Variants in LRRC37A2 observed in about 807,000 individuals in gnomAD.
LRRC37A2 encodes the protein leucine rich repeat containing 37 member A2, also known as leucine-rich repeat-containing protein 37A2.
Under a neutral mutation model 68.8 loss-of-function variants are expected in LRRC37A2, and 9 were observed. The observed-to-expected ratio is 0.13, with a 90% CI of 0.08 to 0.23. The LOEUF (loss-of-function observed/expected upper bound fraction) is 0.23, where lower values mean the gene tolerates loss of function less well. Among genes scored for constraint, LRRC37A2 ranks in the 10% least tolerant of loss-of-function variants. The probability of loss-of-function intolerance (pLI) is 1.00; values close to 1 mark genes in which losing one functional copy is unlikely to be tolerated. For missense variants in LRRC37A2, 168 were observed against 950.4 expected (o/e 0.18, Z 10.82); for synonymous variants, 63 against 367.6 (o/e 0.17, Z 9.48).
At chr17:47,010,284 C>G in the LRRC37A2 span, among the ~76,000 whole-genome samples, 1 of 152,188 alleles carries the variant, frequency 6.6e-6, no homozygotes, top group Non-Finnish European at 1.5e-5. Context: ...CTTCCACTTG[C>G]AAATGTAGCG....
the LRRC37A2 span, among the ~76,000 whole-genome samples, chr17:46,735,230 T>C: frequency 6.6e-6 from 1 of 152,202 alleles, no homozygotes; most frequent in African/African-American, 2.4e-5. Flanking sequence ...TTCTGATAAC[T>C]CAAAATTAAA....
the LRRC37A2 span, among the ~76,000 whole-genome samples, chr17:46,791,011 G>T: frequency 4.1e-3 from 620 of 152,264 alleles, 4 homozygotes; most frequent in African/African-American, 0.014. Flanking sequence ...CCTTCTTCCT[G>T]GTTTCCCCTT....
chr17:46,747,383 C>T, the LRRC37A2 span, among the ~76,000 whole-genome samples: 73 of 152,224 alleles, frequency 4.8e-4, no homozygotes, highest in African/African-American at 1.7e-3. Context: ...TTGGCTCAAG[C>T]GATCTGCTCA....
chr17:47,029,817 C>G, the LRRC37A2 span, among the ~76,000 whole-genome samples: 1 of 152,142 alleles, frequency 6.6e-6, no homozygotes, highest in African/African-American at 2.4e-5. Flanking sequence ...GCCTGTAATT[C>G]CAGCACTTTG....
the LRRC37A2 span, chr17:46,935,486 A>T: frequency 4.4e-6 from 6 of 1,359,910 alleles, no homozygotes; most frequent in Non-Finnish European, 5.7e-6. Flanking sequence ...AAATTGTGTT[A>T]CAGAATCTAC....
the LRRC37A2 span, among the ~76,000 whole-genome samples, chr17:46,947,192 A>G: frequency 2.0e-5 from 3 of 152,264 alleles, no homozygotes; most frequent in East Asian, 5.8e-4. Context: ...AGGGCTGGGG[A>G]AGGACCCTGT....
At chr17:46,776,819 T>C in the LRRC37A2 span, among the ~76,000 whole-genome samples, 1 of 152,152 alleles carries the variant, frequency 6.6e-6, no homozygotes, top group Non-Finnish European at 1.5e-5. Flanking sequence ...ATGGGACCAC[T>C]GGAGCGGAGA....
chr17:46,920,606 G>T, the LRRC37A2 span, among the ~76,000 whole-genome samples: 1 of 152,166 alleles, frequency 6.6e-6, no homozygotes, highest in African/African-American at 2.4e-5. Flanking sequence ...GATAGCCTAT[G>T]TGGAGACAGA....
At chr17:46,920,593 C>T in the LRRC37A2 span, among the ~76,000 whole-genome samples, 3 of 152,164 alleles carry the variant, frequency 2.0e-5, no homozygotes, top group Non-Finnish European at 4.4e-5. Context: ...AGGATGGAAA[C>T]GGGATAGCCT....
chr17:46,979,946 T>C, the LRRC37A2 span, among the ~76,000 whole-genome samples: 1 of 152,144 alleles, frequency 6.6e-6, no homozygotes, highest in Non-Finnish European at 1.5e-5. Context: ...TATTTGTGCC[T>C]TTCTCTAGAT....
At chr17:47,000,058 TAAAATTAAAA>T in the LRRC37A2 span, among the ~76,000 whole-genome samples, 2 of 25,956 alleles carry the variant, frequency 7.7e-5, no homozygotes, top group African/African-American at 1.5e-4. Context: ...TAAAATAAAA[TAAAATTAAAA>T]TAAAATAAAA....
the LRRC37A2 span, among the ~76,000 whole-genome samples, chr17:46,784,695 C>T: frequency 6.6e-6 from 1 of 152,070 alleles, no homozygotes; most frequent in Non-Finnish European, 1.5e-5. Flanking sequence ...GACGAGGTCC[C>T]CACGAGATGC....
chr17:46,732,395 T>C, the LRRC37A2 span, among the ~76,000 whole-genome samples: 1 of 120,452 alleles, frequency 8.3e-6, no homozygotes, highest in Admixed American at 1.0e-4. Context: ...TTATTAAAAC[T>C]GGTTCCCAAG....
At chr17:46,914,771 T>G in the LRRC37A2 span, among the ~76,000 whole-genome samples, 2 of 151,644 alleles carry the variant, frequency 1.3e-5, no homozygotes, top group African/African-American at 4.8e-5. Context: ...CAACTTTATC[T>G]CACTGCCTGC....
chr17:46,763,840 AAAAAAAC>A, the LRRC37A2 span: 2 of 128,244 alleles, frequency 1.6e-5, no homozygotes, highest in Non-Finnish European at 1.5e-5. Flanking sequence ...CCAAAAAAAA[AAAAAAAC>A]AAAAAAACAA....
the LRRC37A2 span, among the ~76,000 whole-genome samples, chr17:46,806,717 G>A: frequency 6.6e-6 from 1 of 152,244 alleles, no homozygotes; most frequent in Admixed American, 6.5e-5. Flanking sequence ...GGGACTGGGT[G>A]GGGTGACCTG....
At chr17:46,696,337 G>A in the LRRC37A2 span, among the ~76,000 whole-genome samples, 2 of 140,810 alleles carry the variant, frequency 1.4e-5, 1 homozygote, top group African/African-American at 5.8e-5. Context: ...AAGAAGTAAA[G>A]TACCTACCAT....
At chr17:46,769,683 C>G in the LRRC37A2 span, 1 of 1,523,950 alleles carries the variant, frequency 6.6e-7, no homozygotes, top group South Asian at 1.2e-5. Context: ...GCCCGCGACC[C>G]ACAGGGCTGC....
At chr17:46,542,802 C>T (rs188521842) in intron 8 of LRRC37A2, among the ~76,000 whole-genome samples, 11,778 of 138,374 alleles carry the variant, frequency 0.085, no homozygotes, top group Non-Finnish European at 0.13. Flanking sequence ...ATTGTGCCAC[C>T]AGCCCCCACA....
Sources: allele counts gnomAD v4.1 joint callset (sites outside exome capture counted in the v4.1 genomes callset), GRCh38; gene constraint gnomAD v4.1.1; transcripts MANE v1.5; gene names NCBI Gene and HGNC (gene_info 2026-07-23, HGNC 2026-07-21).